Variants in IFT56 observed in about 807,000 individuals in gnomAD.
IFT56 encodes the protein intraflagellar transport 56, also known as intraflagellar transport protein 56.
chr7:139,165,000 A>G, the IFT56 span: 1 of 581,422 alleles, frequency 1.7e-6, no homozygotes, highest in African/African-American at 1.9e-5. Context: ...AGTTCTCAAT[A>G]TATCAACTGA....
chr7:139,168,575 A>C, the IFT56 span: 56 of 591,724 alleles, frequency 9.5e-5, no homozygotes, highest in Non-Finnish European at 1.4e-4. Context: ...GAGACAAAAA[A>C]AAAAAACAAA....
chr7:139,189,638 A>C, the IFT56 span: 2 of 376,316 alleles, frequency 5.3e-6, no homozygotes, highest in Non-Finnish European at 9.8e-6. Flanking sequence ...GTATGATCCT[A>C]GTAGCAATAA....
the IFT56 span, chr7:139,174,226 T>G: frequency 1.7e-6 from 1 of 588,520 alleles, no homozygotes; most frequent in South Asian, 1.4e-5. Flanking sequence ...TTCTGGGATC[T>G]TTCTGCCTTT....
chr7:139,184,926 C>G, the IFT56 span, among the ~76,000 whole-genome samples: 4 of 151,258 alleles, frequency 2.6e-5, no homozygotes, highest in Middle Eastern at 3.4e-3. Context: ...TGGTGGCGGG[C>G]GCCTGTAGTC....
the IFT56 span, chr7:139,140,027 T>C: frequency 7.1e-7 from 1 of 1,404,446 alleles, no homozygotes; most frequent in Non-Finnish European, 9.8e-7. Context: ...TTATATCTGA[T>C]ATTCTTCATT....
At chr7:139,174,159 ATCT>A in the IFT56 span, 1 of 593,062 alleles carries the variant, frequency 1.7e-6, no homozygotes, top group Non-Finnish European at 3.3e-6. Flanking sequence ...GAAGCACATG[ATCT>A]TCAGTTGCCC....
At chr7:139,174,722 A>G in the IFT56 span, among the ~76,000 whole-genome samples, 1 of 152,174 alleles carries the variant, frequency 6.6e-6, no homozygotes, top group African/African-American at 2.4e-5. Flanking sequence ...GACATTTCTT[A>G]AAAGGAGACA....
the IFT56 span, chr7:139,166,793 G>A: frequency 8.2e-6 from 9 of 1,099,806 alleles, no homozygotes; most frequent in Non-Finnish European, 1.1e-5. Context: ...TGCTTCAGGA[G>A]GGTTTTCTGG....
At chr7:139,186,559 C>T in the IFT56 span, among the ~76,000 whole-genome samples, 2 of 151,962 alleles carry the variant, frequency 1.3e-5, no homozygotes. Flanking sequence ...TGTCAAAATG[C>T]ATTAAACATT....
At chr7:139,187,784 T>C in the IFT56 span, among the ~76,000 whole-genome samples, 2 of 152,150 alleles carry the variant, frequency 1.3e-5, no homozygotes, top group Admixed American at 1.3e-4. Context: ...ATATATACAT[T>C]AAGTACACTA....
At chr7:139,173,010 G>C in the IFT56 span, 3 of 726,374 alleles carry the variant, frequency 4.1e-6, no homozygotes, top group Non-Finnish European at 7.8e-6. Flanking sequence ...TGTCACAGTT[G>C]GTGGTGTGGC....
At chr7:139,145,917 A>G in the IFT56 span, among the ~76,000 whole-genome samples, 1 of 152,204 alleles carries the variant, frequency 6.6e-6, no homozygotes, top group African/African-American at 2.4e-5. Flanking sequence ...CAAATTGCAT[A>G]CACACAAAAA....
chr7:139,179,681 T>C, the IFT56 span: 1 of 1,504,418 alleles, frequency 6.6e-7, no homozygotes, highest in Non-Finnish European at 9.2e-7. Context: ...AGAAGAATCC[T>C]CTTTTTCTTT....
the IFT56 span, among the ~76,000 whole-genome samples, chr7:139,185,980 G>C: frequency 3.9e-5 from 6 of 151,978 alleles, no homozygotes; most frequent in Non-Finnish European, 5.9e-5. Flanking sequence ...ACAGAATAAG[G>C]CTAAGCTAAG....
At chr7:139,189,678 CA>C in the IFT56 span, 1 of 282,716 alleles carries the variant, frequency 3.5e-6, no homozygotes, top group Non-Finnish European at 6.6e-6. Context: ...GCCTTTCTTC[CA>C]AAAATGCTCA....
chr7:139,167,940 C>G, the IFT56 span, among the ~76,000 whole-genome samples: 1 of 108,888 alleles, frequency 9.2e-6, no homozygotes, highest in African/African-American at 2.8e-5. Flanking sequence ...GACTCGGTCT[C>G]AAAAAAAAAA....
chr7:139,167,424 T>C, the IFT56 span, among the ~76,000 whole-genome samples: 1 of 152,168 alleles, frequency 6.6e-6, no homozygotes. Context: ...TATTAAAAGA[T>C]TGAGCTTCTT....
chr7:139,169,032 A>G, the IFT56 span, among the ~76,000 whole-genome samples: 1 of 152,178 alleles, frequency 6.6e-6, no homozygotes, highest in Non-Finnish European at 1.5e-5. Context: ...GTATTTGTAG[A>G]ATGATTGAGT....
At chr7:139,174,227 T>C in the IFT56 span, 1 of 588,502 alleles carries the variant, frequency 1.7e-6, no homozygotes. Flanking sequence ...TCTGGGATCT[T>C]TCTGCCTTTT....
Sources: allele counts gnomAD v4.1 joint callset (sites outside exome capture counted in the v4.1 genomes callset), GRCh38; gene constraint gnomAD v4.1.1; transcripts MANE v1.5; gene names NCBI Gene and HGNC (gene_info 2026-07-23, HGNC 2026-07-21).